Variants in CPEB1 observed in about 807,000 individuals in gnomAD.
The protein encoded by CPEB1 is cytoplasmic polyadenylation element-binding protein 1.
In CPEB1, 7 loss-of-function variants were observed where a neutral mutation model predicts 65.8. The observed-to-expected ratio is 0.11, with a 90% CI of 0.06 to 0.20. CPEB1 has a LOEUF of 0.20. CPEB1 is among the 10% of genes least tolerant of loss of function. The probability of loss-of-function intolerance (pLI) is 1.00; values close to 1 mark genes in which losing one functional copy is unlikely to be tolerated. For synonymous variants in CPEB1, 262 were observed against 260.0 expected (o/e 1.01, Z -0.08); for missense variants, 551 against 712.2 (o/e 0.77, Z 2.58).
At chr15:82,627,416 A>AC in intron 2 of CPEB1, 49 bp from the exon 3 acceptor site, 1 of 1,405,816 alleles carries the variant, frequency 7.1e-7, no homozygotes, top group Admixed American at 2.3e-5. Flanking sequence ...CTCCTTTATG[A>AC]CCCCCTTTCT....
intron 3 of CPEB1, among the ~76,000 whole-genome samples, chr15:82,611,631 G>A (rs1001397072): frequency 2.0e-5 from 3 of 151,788 alleles, no homozygotes; most frequent in Non-Finnish European, 4.4e-5. Flanking sequence ...CAGCCACGGT[G>A]GCACACACCT....
chr15:82,646,601 C>T (rs2047556723), intron 1 of CPEB1, among the ~76,000 whole-genome samples: 1 of 152,174 alleles, frequency 6.6e-6, no homozygotes, highest in South Asian at 2.1e-4. Context: ...AAAGTGCCCC[C>T]GAAAAATAAG....
chr15:82,605,566 T>C (rs534660500), intron 3 of CPEB1, among the ~76,000 whole-genome samples: 77 of 152,274 alleles, frequency 5.1e-4, no homozygotes, highest in African/African-American at 1.7e-3. Flanking sequence ...CACAAAAATA[T>C]AAGTATGTGA....
intron 1 of CPEB1, among the ~76,000 whole-genome samples, chr15:82,641,973 T>G (rs2151386478): frequency 6.6e-6 from 1 of 152,312 alleles, no homozygotes; most frequent in South Asian, 2.1e-4. Flanking sequence ...AATTTAGCAC[T>G]CTGAAATTTG....
intron 3 of CPEB1, among the ~76,000 whole-genome samples, chr15:82,600,553 G>GTA (rs2043015721): frequency 6.6e-6 from 1 of 152,114 alleles, no homozygotes; most frequent in Non-Finnish European, 1.5e-5. Context: ...CAATTGAAAT[G>GTA]TATAGCAGCA....
At chr15:82,570,702 G>T (rs2039892090) in intron 4 of CPEB1, among the ~76,000 whole-genome samples, 1 of 151,464 alleles carries the variant, frequency 6.6e-6, no homozygotes, top group African/African-American at 2.4e-5. Context: ...CTTTTATCCA[G>T]CTGGTCACTC....
At chr15:82,561,893 A>AG in intron 4 of CPEB1, among the ~76,000 whole-genome samples, 1 of 152,262 alleles carries the variant, frequency 6.6e-6, no homozygotes, top group Non-Finnish European at 1.5e-5. Context: ...AAGTGCTCAC[A>AG]GTTCATGGTC....
At chr15:82,648,072 G>A (rs2047729675), upstream of CPEB1, 3 of 385,626 alleles carry the variant, frequency 7.8e-6, no homozygotes, top group Non-Finnish European at 1.3e-5. Flanking sequence ...CCGGGCCCTC[G>A]CCTCCGCCCC....
chr15:82,624,072 C>A (rs2045545092), intron 3 of CPEB1, among the ~76,000 whole-genome samples: 1 of 152,208 alleles, frequency 6.6e-6, no homozygotes, highest in Non-Finnish European at 1.5e-5. Context: ...TAAGGTTCTT[C>A]ATAGAAAAAT....
chr15:82,635,264 C>T (rs2046568208), intron 1 of CPEB1, among the ~76,000 whole-genome samples: 1 of 152,212 alleles, frequency 6.6e-6, no homozygotes, highest in African/African-American at 2.4e-5. Context: ...TATGAACACT[C>T]ATTTAGAGAA....
At chr15:82,605,061 G>A (rs1191770340) in intron 3 of CPEB1, among the ~76,000 whole-genome samples, 2 of 152,172 alleles carry the variant, frequency 1.3e-5, no homozygotes, top group Non-Finnish European at 2.9e-5. Context: ...TTTCTTACCA[G>A]AAATTGTGGA....
intron 1 of CPEB1, among the ~76,000 whole-genome samples, chr15:82,636,977 C>T (rs2046714146): frequency 6.6e-6 from 1 of 152,122 alleles, no homozygotes; most frequent in Non-Finnish European, 1.5e-5. Context: ...GACCATTCTT[C>T]ATCAATAAAA....
At chr15:82,589,295 C>A (rs2042035369) in intron 3 of CPEB1, among the ~76,000 whole-genome samples, 1 of 152,268 alleles carries the variant, frequency 6.6e-6, no homozygotes, top group Admixed American at 6.5e-5. Context: ...CTCTACATGG[C>A]TGACTACTTG....
rs2047514775 is a variant in CPEB1 at position 82,646,310 on chromosome 15, C to T, written c.-98+827G>A. ...CCAGAATAGGAACCCCACCCACTTG[C>T]CCCTCTTCCCCACCAACGACACAGC... On this transcript the variant is annotated intron_variant, in intron 1 of 12. Transcript: ENST00000684509. Among the ~76,000 whole-genome samples the T allele has an allele frequency of 2.6e-5, 4 of 152,202 alleles. No individual in the cohort carries two copies. The South Asian group carries it at 8.3e-4, about 32-fold the overall frequency.
At chr15:82,600,700 A>G (rs566283679) in intron 3 of CPEB1, among the ~76,000 whole-genome samples, 1 of 152,256 alleles carries the variant, frequency 6.6e-6, no homozygotes, top group South Asian at 2.1e-4. Context: ...GTAGCCACAA[A>G]AAGATCAGTA....
At chr15:82,567,982 T>C (rs1002502656) in intron 4 of CPEB1, among the ~76,000 whole-genome samples, 1 of 152,140 alleles carries the variant, frequency 6.6e-6, no homozygotes, top group African/African-American at 2.4e-5. Context: ...CCTTCAGAGA[T>C]CTCATCAAGG....
chr15:82,591,062 T>C (rs2042213738), intron 3 of CPEB1, among the ~76,000 whole-genome samples: 1 of 152,234 alleles, frequency 6.6e-6, no homozygotes, highest in African/African-American at 2.4e-5. Context: ...GAATGGAAGT[T>C]GTGTTTTTAG....
chr15:82,610,989 GAAAAAAAGA>G (rs2044100984), intron 3 of CPEB1, among the ~76,000 whole-genome samples: 16 of 81,300 alleles, frequency 2.0e-4, no homozygotes, highest in African/African-American at 7.4e-4. Context: ...AAAAAAAAAA[GAAAAAAAGA>G]AAAAAAAATC....
At chr15:82,607,690 A>G (rs1053997391) in intron 3 of CPEB1, among the ~76,000 whole-genome samples, 4 of 152,206 alleles carry the variant, frequency 2.6e-5, no homozygotes, top group African/African-American at 9.6e-5. Flanking sequence ...AACTGTGCCT[A>G]TTACCAGACA....
Sources: allele counts gnomAD v4.1 joint callset (sites outside exome capture counted in the v4.1 genomes callset), GRCh38; gene constraint gnomAD v4.1.1; transcripts MANE v1.5; gene names NCBI Gene and HGNC (gene_info 2026-07-23, HGNC 2026-07-21).